The following CDH20 variants were observed in gnomAD, a reference collection of about 807,000 sequenced individuals.
The protein encoded by CDH20 is cadherin-20.
CDH20 carries 29 observed loss-of-function variants against 74.2 expected under a neutral mutation model. That is an observed-to-expected ratio of 0.39 (90% CI 0.29 to 0.53). The LOEUF is 0.53. Among genes scored for constraint, CDH20 ranks in the 20% least tolerant of loss-of-function variants. The pLI is 0.69. For missense variants in CDH20, 988 were observed against 1,048.3 expected, an observed-to-expected ratio of 0.94 and a Z score of 0.79; for synonymous variants, 469 against 405.4, an observed-to-expected ratio of 1.16 and a Z score of -1.88.
Position 61,554,530 on chromosome 18 carries a change from G to GTATA in CDH20, c.2243_2246dup (p.Met749IlefsTer90). The GTATA allele has an allele frequency of 2.5e-6, 4 of 1,612,978 alleles. No homozygotes were observed. The highest frequency in any genetic ancestry group is 3.4e-6 in the Non-Finnish European group (4 of 1,179,854). ...CACCGCCCTTCGACTCCCTCCAGACGTATATGTTCGAGGGGGACGGCTCTG... is the reference window on the plus strand; with the variant it reads ...CACCGCCCTTCGACTCCCTCCAGACGTATATATATGTTCGAGGGGGACGGCTCTG... On this transcript the variant is annotated frameshift_variant, in exon 12 of 12. Transcript: ENST00000262717. LOFTEE classifies it high-confidence loss of function.
At chr18:61,454,116 C>T (rs940967892) in intron 1 of CDH20, among the ~76,000 whole-genome samples, 3 of 152,092 alleles carry the variant, frequency 2.0e-5, no homozygotes, top group Non-Finnish European at 4.4e-5. Context: ...TTTGGTGATA[C>T]GTTTCTTCAT....
At chr18:61,503,946 A>G (rs553498301) in intron 5 of CDH20, among the ~76,000 whole-genome samples, 1 of 152,290 alleles carries the variant, frequency 6.6e-6, no homozygotes, top group South Asian at 2.1e-4. Context: ...TCCAGGCACT[A>G]TTCTATGAAT....
intron 1 of CDH20, among the ~76,000 whole-genome samples, chr18:61,415,585 C>G (rs1313627853): frequency 6.6e-6 from 1 of 152,116 alleles, no homozygotes; most frequent in Non-Finnish European, 1.5e-5. Flanking sequence ...CAGAATATCA[C>G]CCTCCGAAAA....
chr18:61,411,197 G>GA (rs35401750), intron 1 of CDH20, among the ~76,000 whole-genome samples: 56 of 141,906 alleles, frequency 3.9e-4, no homozygotes, highest in South Asian at 6.8e-4. Flanking sequence ...GACTCTGTCT[G>GA]AAAAAAAAAA....
At chr18:61,393,772 A>G (rs1321535927) in intron 1 of CDH20, among the ~76,000 whole-genome samples, 1 of 152,228 alleles carries the variant, frequency 6.6e-6, no homozygotes, top group African/African-American at 2.4e-5. Context: ...TTATATAAAA[A>G]TAATTTTTAA....
At chr18:61,359,624 C>T (rs1170611550) in intron 1 of CDH20, among the ~76,000 whole-genome samples, 10 of 152,146 alleles carry the variant, frequency 6.6e-5, no homozygotes, top group South Asian at 2.1e-4. Context: ...GCTTGAGGCA[C>T]GGTTTATTTA....
chr18:61,424,247 G>A (rs547293148), intron 1 of CDH20, among the ~76,000 whole-genome samples: 9 of 152,250 alleles, frequency 5.9e-5, no homozygotes, highest in South Asian at 2.1e-4. Context: ...CTTCTAGTTC[G>A]TCTATTTTGA....
At chr18:61,447,085 G>C (rs2034579965) in intron 1 of CDH20, among the ~76,000 whole-genome samples, 1 of 152,102 alleles carries the variant, frequency 6.6e-6, no homozygotes, top group Admixed American at 6.6e-5. Context: ...TATTTTTCTG[G>C]GGCCACAGAA....
chr18:61,461,671 A>C (rs985671524), intron 1 of CDH20, among the ~76,000 whole-genome samples: 1 of 152,184 alleles, frequency 6.6e-6, no homozygotes, highest in African/African-American at 2.4e-5. Flanking sequence ...GAAAGAATGA[A>C]GCAACAAAGC....
chr18:61,352,970 A>T (rs573384535), intron 1 of CDH20, among the ~76,000 whole-genome samples: 1 of 152,170 alleles, frequency 6.6e-6, no homozygotes, highest in African/African-American at 2.4e-5. Context: ...AATAATTCTC[A>T]TTCCTTTTGA....
At chr18:61,527,412 T>A (rs1912466635) in intron 6 of CDH20, among the ~76,000 whole-genome samples, 1 of 150,808 alleles carries the variant, frequency 6.6e-6, no homozygotes, top group African/African-American at 2.4e-5. Flanking sequence ...GATAGATAGA[T>A]AGAATAGATA....
chr18:61,529,638 G>A (rs62100068), intron 7 of CDH20, among the ~76,000 whole-genome samples: 40,501 of 152,044 alleles, frequency 0.27, 5,588 homozygotes, highest in South Asian at 0.34. Context: ...AACATTGTGT[G>A]TATTTTCAGA....
rs557723358 is a variant in CDH20 at position 61,384,794 on chromosome 18, A to G, written c.-153+50967A>G. Among the ~76,000 whole-genome samples, 9 of 152,346 alleles carry G rather than the reference A, an allele frequency of 5.9e-5. No individual in the cohort carries two copies. In the South Asian group the frequency reaches 1.9e-3, roughly 32 times the overall value. ...GCAAATTTGAGAGCATATAAAAATA[A>G]AAATCCACTGAAGCCAAGTACTTTA... On this transcript the variant is annotated intron_variant, in intron 1 of 11. Transcript: ENST00000262717.
intron 9 of CDH20, among the ~76,000 whole-genome samples, chr18:61,540,740 C>G (rs1289016080): frequency 6.6e-6 from 1 of 152,152 alleles, no homozygotes; most frequent in African/African-American, 2.4e-5. Context: ...GGAGTAGTAC[C>G]TCCAGCATCT....
At chr18:61,527,845 C>G (rs1358319425) in intron 6 of CDH20, 122 bp from the exon 7 acceptor site, 2 of 888,156 alleles carry the variant, frequency 2.3e-6, no homozygotes, top group Non-Finnish European at 3.5e-6. Flanking sequence ...TTACCTTTTT[C>G]CCACTTAATG....
chr18:61,427,727 C>G (rs1913118656), intron 1 of CDH20, among the ~76,000 whole-genome samples: 1 of 152,216 alleles, frequency 6.6e-6, no homozygotes, highest in Non-Finnish European at 1.5e-5. Context: ...GTTCACAGCA[C>G]TAGCTGGTTG....
At chr18:61,435,134 G>C (rs1411803769) in intron 1 of CDH20, among the ~76,000 whole-genome samples, 1 of 152,036 alleles carries the variant, frequency 6.6e-6, no homozygotes. Context: ...TCAGGAAATT[G>C]ATCTGTAGAA....
chr18:61,346,940 T>C (rs971147327), intron 1 of CDH20, among the ~76,000 whole-genome samples: 1 of 152,078 alleles, frequency 6.6e-6, no homozygotes, highest in Non-Finnish European at 1.5e-5. Flanking sequence ...TCTGGGGTGC[T>C]GGCATGCTGT....
intron 1 of CDH20, among the ~76,000 whole-genome samples, chr18:61,444,957 C>A (rs972890116): frequency 6.6e-6 from 1 of 152,068 alleles, no homozygotes; most frequent in African/African-American, 2.4e-5. Context: ...GCTCTAAATG[C>A]TATTCTAAGT....
Sources: gnomAD v4.1 joint callset for allele counts (sites outside exome capture counted in the v4.1 genomes callset) on GRCh38, gnomAD v4.1.1 for gene constraint, MANE v1.5 for transcripts, NCBI Gene and HGNC (gene_info 2026-07-23, HGNC 2026-07-21) for gene names.